Variants in C8orf34 observed in about 807,000 individuals in gnomAD.
The protein encoded by C8orf34 is chromosome 8 open reading frame 34, also known as uncharacterized protein C8orf34.
Under a neutral mutation model 68.3 loss-of-function variants are expected in C8orf34, and 65 were observed. That is an observed-to-expected ratio of 0.95 (90% CI 0.78 to 1.17). The LOEUF (loss-of-function observed/expected upper bound fraction) is 1.17. Ranked by LOEUF, C8orf34 falls within the 50% of genes most tolerant of loss-of-function variation. C8orf34 has a pLI of 0.00. For missense variants in C8orf34, 664 were observed against 655.4 expected, an observed-to-expected ratio of 1.01 and a Z score of -0.14; for synonymous variants, 244 against 241.2, an observed-to-expected ratio of 1.01 and a Z score of -0.11.
intron 1 of C8orf34, among the ~76,000 whole-genome samples, chr8:68,437,138 A>C (rs1810699195): frequency 6.6e-6 from 1 of 152,200 alleles, no homozygotes; most frequent in South Asian, 2.1e-4. Flanking sequence ...ATATTCATTA[A>C]TACAATACAA....
intron 8 of C8orf34, among the ~76,000 whole-genome samples, chr8:68,678,276 C>CA (rs1820254765): frequency 6.6e-6 from 1 of 152,068 alleles, no homozygotes; most frequent in African/African-American, 2.4e-5. Flanking sequence ...GCAACAACTA[C>CA]AAAAAACAAT....
chr8:68,682,208 A>G (rs1467241127), intron 8 of C8orf34, among the ~76,000 whole-genome samples: 6 of 152,160 alleles, frequency 3.9e-5, no homozygotes, highest in African/African-American at 1.4e-4. Context: ...CTAAAATAGT[A>G]TAATTGGATA....
At chr8:68,466,549 T>A (rs902620227) in intron 3 of C8orf34, among the ~76,000 whole-genome samples, 1 of 151,662 alleles carries the variant, frequency 6.6e-6, no homozygotes, top group East Asian at 1.9e-4. Context: ...CATGGAAGTA[T>A]CTTTATGGTA....
intron 10 of C8orf34, among the ~76,000 whole-genome samples, chr8:68,757,578 G>A (rs1010281823): frequency 2.6e-5 from 4 of 152,044 alleles, no homozygotes; most frequent in Admixed American, 6.6e-5. Flanking sequence ...CCGAGATCAC[G>A]CCACTGCACT....
At chr8:68,370,846 C>T (rs1037625620) in intron 1 of C8orf34, among the ~76,000 whole-genome samples, 1 of 152,134 alleles carries the variant, frequency 6.6e-6, no homozygotes, top group African/African-American at 2.4e-5. Flanking sequence ...CCTTAGAATC[C>T]ATTTCTGCAC....
At chr8:68,485,658 G>A (rs1220585832) in intron 4 of C8orf34, among the ~76,000 whole-genome samples, 1 of 151,496 alleles carries the variant, frequency 6.6e-6, no homozygotes, top group East Asian at 1.9e-4. Flanking sequence ...GTTGCAGTGA[G>A]CCGAGATCCA....
chr8:68,709,080 G>T lies in C8orf34; in HGVS notation c.1327+1G>T. 6.2e-7 allele frequency: 1 copy of T among 1,608,012 alleles called. No homozygotes were observed. Among genetic ancestry groups the T allele is most frequent in the Non-Finnish European group, 8.5e-7 (1 of 1,175,518 alleles). ...GATGAAAAAATCCCAGATTCATTCG[G>T]TAAGTTTTAAGTCCAACAATATTTA... On this transcript the variant is annotated splice_donor_variant, in intron 9 of 13. Transcript: ENST00000518698. LOFTEE classifies it high-confidence loss of function.
At chr8:68,618,437 C>A (rs1818292856) in intron 7 of C8orf34, among the ~76,000 whole-genome samples, 2 of 152,076 alleles carry the variant, frequency 1.3e-5, no homozygotes, top group Admixed American at 1.3e-4. Flanking sequence ...CTGAAACCTG[C>A]TTCCCAGGCT....
rs920160376 is a variant in C8orf34 at position 68,416,043 on chromosome 8, T to C, written c.328-23456T>C. Among the ~76,000 whole-genome samples, 31 of 152,188 alleles carry C rather than the reference T, an allele frequency of 2.0e-4. 1 individual carries two copies. Among genetic ancestry groups the C allele is most frequent in the Admixed American group, 9.8e-4 (15 of 15,262 alleles). ...TGTTGTGAGCATGAAAAAAATGTATTGAAAGCACCTAGGACTATGCGTCAT... is the reference window on the plus strand; with the variant it reads ...TGTTGTGAGCATGAAAAAAATGTATCGAAAGCACCTAGGACTATGCGTCAT... On this transcript the variant is annotated intron_variant, in intron 1 of 13. Coordinates refer to ENST00000518698, the MANE Select transcript of C8orf34 (RefSeq NM_052958.4).
chr8:68,464,621 A>G (rs1812020696), intron 3 of C8orf34, among the ~76,000 whole-genome samples: 1 of 152,144 alleles, frequency 6.6e-6, no homozygotes, highest in Non-Finnish European at 1.5e-5. Context: ...AATGGAACAG[A>G]ACAGAGCCCT....
At chr8:68,455,504 A>G (rs537613486) in intron 3 of C8orf34, among the ~76,000 whole-genome samples, 131 of 152,254 alleles carry the variant, frequency 8.6e-4, no homozygotes, top group African/African-American at 2.9e-3. Context: ...TTTGCCTCCT[A>G]TAATGATTTT....
rs542272876 is a variant in C8orf34 at position 68,444,929 on chromosome 8, C to T, written c.476-1400C>T. On this transcript the variant is annotated intron_variant, in intron 2 of 13. Coordinates refer to ENST00000518698, the MANE Select transcript of C8orf34 (RefSeq NM_052958.4). ...TGTTGCATTAGAAGAATTTATAGTC[C>T]AAGAATGGATATAGAAAGACAAATT... 7.2e-5 allele frequency among the ~76,000 whole-genome samples: 11 copies of T among 151,930 alleles called. No individual in the cohort carries two copies. The South Asian group carries it at 1.9e-3, about 26-fold the overall frequency.
chr8:68,711,161 T>C (rs1437162584), intron 9 of C8orf34, among the ~76,000 whole-genome samples: 2 of 152,166 alleles, frequency 1.3e-5, no homozygotes, highest in African/African-American at 2.4e-5. Context: ...CAAAAGAATC[T>C]GAACAGCAGT....
At chr8:68,791,319 A>G (rs1353047087) in intron 12 of C8orf34, 2 of 182,500 alleles carry the variant, frequency 1.1e-5, no homozygotes, top group Non-Finnish European at 2.3e-5. Flanking sequence ...AGAACTCATT[A>G]TCAAGAGAAC....
chr8:68,411,871 C>T (rs1809458750), intron 1 of C8orf34, among the ~76,000 whole-genome samples: 1 of 152,152 alleles, frequency 6.6e-6, no homozygotes, highest in Non-Finnish European at 1.5e-5. Flanking sequence ...GTTTGTATCC[C>T]TCCAAAATTC....
At chr8:68,614,130 G>A (rs186961675) in intron 7 of C8orf34, among the ~76,000 whole-genome samples, 2,841 of 152,164 alleles carry the variant, frequency 0.019, 94 homozygotes, top group African/African-American at 0.063. Flanking sequence ...ACTTTTTGAT[G>A]GGATTGTTTG....
chr8:68,451,176 C>T (rs146087887), intron 3 of C8orf34, among the ~76,000 whole-genome samples: 200 of 152,146 alleles, frequency 1.3e-3, no homozygotes, highest in African/African-American at 4.3e-3. Context: ...CCTCAGCTTT[C>T]GTGGAATTGA....
chr8:68,784,537 C>A (rs1204321745), intron 11 of C8orf34, among the ~76,000 whole-genome samples: 1 of 152,138 alleles, frequency 6.6e-6, no homozygotes, highest in African/African-American at 2.4e-5. Context: ...AGTTATTCCC[C>A]ACATCCTTAA....
chr8:68,476,473 A>G (rs992665080), intron 4 of C8orf34, among the ~76,000 whole-genome samples: 4 of 152,200 alleles, frequency 2.6e-5, no homozygotes, highest in African/African-American at 9.7e-5. Flanking sequence ...AGAAAGAGGA[A>G]GTTTTATCAT....
Sources: gnomAD v4.1 joint callset for allele counts (sites outside exome capture counted in the v4.1 genomes callset) on GRCh38, gnomAD v4.1.1 for gene constraint, MANE v1.5 for transcripts, NCBI Gene and HGNC (gene_info 2026-07-23, HGNC 2026-07-21) for gene names.